STAT4: variants seen among roughly 807,000 people sequenced by gnomAD.
The protein encoded by STAT4 is signal transducer and activator of transcription 4.
In STAT4, 42 loss-of-function variants were observed where a neutral mutation model predicts 110.5. The ratio of observed to expected loss-of-function variants is 0.38; its 90% CI spans 0.30 to 0.49. The LOEUF (loss-of-function observed/expected upper bound fraction) is 0.49. STAT4 is among the 20% of genes least tolerant of loss of function. STAT4 has a pLI of 0.95. For synonymous variants in STAT4, 284 were observed against 302.2 expected (o/e 0.94, Z 0.63); for missense variants, 632 against 887.9 (o/e 0.71, Z 3.66).
In STAT4 at chr2:191,037,999, T is replaced by G. The variant is rs777289471; in HGVS notation, c.1434+1200A>C. ...GCTCTAGATTCTCATCCTAGAGCCATGTAAATTTGGGATGATGGGTGTGAC... is the reference window on the plus strand; with the variant it reads ...GCTCTAGATTCTCATCCTAGAGCCAGGTAAATTTGGGATGATGGGTGTGAC... On this transcript the variant is annotated intron_variant, in intron 16 of 23. Coordinates refer to ENST00000392320, the MANE Select transcript of STAT4 (RefSeq NM_003151.4). This position sits in a 1 kb window ranked among gnomAD's most constrained non-coding sequence, Gnocchi z 4.8. 6.6e-6 allele frequency among the ~76,000 whole-genome samples: 1 copy of G among 152,196 alleles called. No homozygotes were observed. The highest frequency in any genetic ancestry group is 1.5e-5 in the Non-Finnish European group (1 of 68,022).
chr2:191,100,703 T>C (rs917661696), intron 3 of STAT4, among the ~76,000 whole-genome samples: 13 of 152,154 alleles, frequency 8.5e-5, no homozygotes, highest in Non-Finnish European at 1.9e-4. Context: ...ATCAACCTCT[T>C]TCTCCTATCA....
chr2:191,102,632 T>A lies in STAT4; in HGVS notation c.274-26307A>T, dbSNP rs541358990. The stretch of plus-strand genomic sequence containing the variant: ...CACTTGCACCAATCACAATTCACAA[T>A]GAATGCATGAAACTGCCATTGAAAC... On this transcript the variant is annotated intron_variant, in intron 3 of 23. Transcript: ENST00000392320. Among the ~76,000 whole-genome samples the A allele has an allele frequency of 3.3e-5, 5 of 152,258 alleles. No homozygotes were observed. In the South Asian group the frequency reaches 1.0e-3, roughly 32 times the overall value.
chr2:191,102,909 A>G (rs1454810149), intron 3 of STAT4, among the ~76,000 whole-genome samples: 1 of 152,096 alleles, frequency 6.6e-6, no homozygotes, highest in East Asian at 1.9e-4. Flanking sequence ...ATATCACTAC[A>G]TGATGTGCTT....
chr2:191,107,736 T>C lies in STAT4; in HGVS notation c.274-31411A>G, dbSNP rs1698319025. Among the ~76,000 whole-genome samples, 1 of 152,228 alleles carries C rather than the reference T, an allele frequency of 6.6e-6. No individual in the cohort carries two copies. Among genetic ancestry groups the C allele is most frequent in the Non-Finnish European group, 1.5e-5 (1 of 68,040 alleles). On this transcript the variant is annotated intron_variant, in intron 3 of 23. Transcript: ENST00000392320. This position sits in a 1 kb window ranked among gnomAD's most constrained non-coding sequence, Gnocchi z 4.2. Reference sequence around the variant, plus strand: ...TGAAAACATTCAGGACATAATTTATTTTTTCAACCCAGATTACTACCATAC... The same window carrying C: ...TGAAAACATTCAGGACATAATTTATCTTTTCAACCCAGATTACTACCATAC...
chr2:191,097,970 C>A (rs1359007357), intron 3 of STAT4, among the ~76,000 whole-genome samples: 2 of 151,998 alleles, frequency 1.3e-5, no homozygotes, highest in Non-Finnish European at 2.9e-5. Flanking sequence ...ACAGACACTT[C>A]TCAAAAGAAG....
In STAT4 at chr2:191,054,526, C is replaced by T. The variant is rs1349272184; in HGVS notation, c.1215G>A (p.Lys405=). 1 of 1,612,162 alleles carries T rather than the reference C, an allele frequency of 6.2e-7. No individual in the cohort carries two copies. The change falls in exon 14 of 24, where the codon AAG becomes AAA. Residue 405 remains lysine (K), a synonymous_variant. Transcript: ENST00000392320. ...LSVEFRHLQP[K]EMKSSAGGKG... ...TACCTCCAGCACTGGACTTCATTTC[C>T]TTTGGTTGCTTTGTAAAAGAAAACA...
At position 191,140,170 on chromosome 2, in the gene STAT4, C is replaced by G. The variant is rs534332565; in HGVS notation, c.273+6443G>C. 4.7e-4 allele frequency among the ~76,000 whole-genome samples: 72 copies of G among 152,316 alleles called. No individual in the cohort carries two copies. The highest frequency in any genetic ancestry group is 7.2e-4 in the Non-Finnish European group (49 of 68,032). On this transcript the variant is annotated intron_variant, in intron 3 of 23. Coordinates refer to ENST00000392320, the MANE Select transcript of STAT4 (RefSeq NM_003151.4). The surrounding 1 kb of genome is among the most constrained non-coding windows in gnomAD (Gnocchi z 4.4). The stretch of plus-strand genomic sequence containing the variant: ...AGAACATAACATTGGAAAAATACTT[C>G]TAGGCATTGGCTTAGGCAAAGAATT...
At chr2:191,038,837 A>G (rs752182576) in intron 16 of STAT4, among the ~76,000 whole-genome samples, 3 of 152,214 alleles carry the variant, frequency 2.0e-5, no homozygotes, top group Non-Finnish European at 4.4e-5. Flanking sequence ...TGTAGAAGAG[A>G]CTGCATGGAC....
rs754362186 is a variant in STAT4 at position 191,062,726 on chromosome 2, C to G, written c.941+36G>C. ...CCTTAGGAAGGGTGTTCTTACTTCACAGAATGGAGGATGCCATTGATAGCA... is the reference window on the plus strand; with the variant it reads ...CCTTAGGAAGGGTGTTCTTACTTCAGAGAATGGAGGATGCCATTGATAGCA... On this transcript the variant is annotated intron_variant, in intron 9 of 23. Coordinates refer to ENST00000392320, the MANE Select transcript of STAT4 (RefSeq NM_003151.4). This position sits in a 1 kb window ranked among gnomAD's most constrained non-coding sequence, Gnocchi z 4.9. 2 of 1,610,968 alleles carry G rather than the reference C, an allele frequency of 1.2e-6. No individual in the cohort carries two copies. The highest frequency in any genetic ancestry group is 1.7e-6 in the Non-Finnish European group (2 of 1,178,356).
rs765625619 is a variant in STAT4, at chr2:191,036,299, T to G, written c.1435A>C (p.Asn479His). The G allele has an allele frequency of 6.2e-7, 1 of 1,614,010 alleles. No homozygotes were observed. The highest frequency in any genetic ancestry group is 8.5e-7 in the Non-Finnish European group (1 of 1,179,992). ...WYNVSTNDSQ[N>H]LVFFNNPPPA... ...GGAGGATTATTAAAGAAAACCAAGT[T>G]CTGAAATAGAGTCAAGATGATAATT... The change falls in exon 17 of 24, where the codon AAC (asparagine) becomes CAC (histidine). Residue 479 changes from asparagine (N) to histidine (H), a missense_variant and splice_region_variant. Physicochemically the swap from Asn to His is moderately conservative, Grantham distance 68. Transcript: ENST00000392320.
Position 191,073,164 on chromosome 2 carries a change from A to C in STAT4, c.399T>G (p.Ser133Arg). The C allele has an allele frequency of 6.2e-7, 1 of 1,613,958 alleles. No homozygotes were observed. Among genetic ancestry groups the C allele is most frequent in the South Asian group, 1.1e-5 (1 of 91,072 alleles). ...VQGPLEKSLQ[S>R]SSVSERQRNV... The stretch of plus-strand genomic sequence containing the variant: ...TCCTCTGTCTTTCTGAAACTGAAGA[A>C]CTTTGTAAGGATTTCTCTAGAGGCC... The change falls in exon 5 of 24, where the codon AGT becomes AGG. Residue 133 changes from serine to arginine, a missense_variant. Around this residue, in one of 4 missense-constraint regions of STAT4, gnomAD observed 488 missense variants for 632.8 expected, o/e 0.77. Transcript: ENST00000392320.
At chr2:191,040,979 TAGAAA>T in intron 15 of STAT4, 81 bp downstream of exon 15, 2 of 857,644 alleles carry the variant, frequency 2.3e-6, no homozygotes, top group Non-Finnish European at 1.6e-6. Flanking sequence ...TACTAAAACC[TAGAAA>T]AGACTGAGCT....
chr2:191,069,667 T>C lies in STAT4; in HGVS notation c.544+26A>G, dbSNP rs564859107. 1.3e-5 allele frequency: 21 copies of C among 1,579,352 alleles called. No individual in the cohort carries two copies. The South Asian group carries it at 2.0e-4, about 15-fold the overall frequency. On this transcript the variant is annotated intron_variant, in intron 6 of 23. Coordinates refer to ENST00000392320, the MANE Select transcript of STAT4 (RefSeq NM_003151.4). ...CAAGATGCCTTTTTGTCTCTATGCA[T>C]AATTATAGAAAAAACAAAAACTTAC...
chr2:191,140,318 G>A lies in STAT4; in HGVS notation c.273+6295C>T, dbSNP rs539509911. On this transcript the variant is annotated intron_variant, in intron 3 of 23. Coordinates refer to ENST00000392320, the MANE Select transcript of STAT4 (RefSeq NM_003151.4). This position sits in a 1 kb window ranked among gnomAD's most constrained non-coding sequence, Gnocchi z 4.4. Reference sequence around the variant, plus strand: ...GCCAAGTAAACAGACAACCCACAGCGTGGGAGAAAATATTTGCAAGCTATG... The same window carrying A: ...GCCAAGTAAACAGACAACCCACAGCATGGGAGAAAATATTTGCAAGCTATG... Among the ~76,000 whole-genome samples, 18 of 152,264 alleles carry A rather than the reference G, an allele frequency of 1.2e-4. No individual in the cohort carries two copies. The highest frequency in any genetic ancestry group is 7.2e-4 in the Admixed American group (11 of 15,294).
intron 5 of STAT4, among the ~76,000 whole-genome samples, chr2:191,072,350 C>G (rs762047688): frequency 9.2e-5 from 14 of 152,008 alleles, no homozygotes; most frequent in Non-Finnish European, 1.8e-4. Flanking sequence ...TTATAATGTG[C>G]CAAGGTATTT....
chr2:191,064,866 C>T lies in STAT4; in HGVS notation c.723G>A (p.Arg241=). 6.2e-7 allele frequency: 1 copy of T among 1,613,390 alleles called. No individual in the cohort carries two copies. Among genetic ancestry groups the T allele is most frequent in the Non-Finnish European group, 8.5e-7 (1 of 1,179,656 alleles). ...LIEELQDWKR[R]QQIACIGGPL... is the part of the protein sequence containing the mutation. ...GACCCCCGATGCAGGCGATTTGCTG[C>T]CGCCGCTTCCAGTCTTGCAGCTCTT... The change falls in exon 8 of 24, where the codon CGG becomes CGA. Residue 241 remains arginine, a synonymous_variant. Coordinates refer to ENST00000392320, the MANE Select transcript of STAT4 (RefSeq NM_003151.4).
intron 3 of STAT4, among the ~76,000 whole-genome samples, chr2:191,126,289 A>C (rs954078487): frequency 6.6e-6 from 1 of 152,226 alleles, no homozygotes; most frequent in African/African-American, 2.4e-5. Context: ...TCTCTTTGAA[A>C]GTTTCCAAAT....
intron 8 of STAT4, among the ~76,000 whole-genome samples, chr2:191,063,851 C>T (rs945536238): frequency 6.6e-6 from 1 of 152,180 alleles, no homozygotes; most frequent in Non-Finnish European, 1.5e-5. Context: ...CATTTCTTGA[C>T]AAGTAGGCCT....
At chr2:191,111,574 C>T (rs887644706) in intron 3 of STAT4, among the ~76,000 whole-genome samples, 1 of 151,996 alleles carries the variant, frequency 6.6e-6, no homozygotes, top group African/African-American at 2.4e-5. Context: ...TGCATGGGGC[C>T]GAGTGTGATG....
Sources: gnomAD v4.1 joint callset for allele counts (sites outside exome capture counted in the v4.1 genomes callset) on GRCh38, gnomAD v4.1.1 for gene constraint, gnomAD v4.1.1 regional missense constraint, Gnocchi (gnomAD v3.1) non-coding constraint, MANE v1.5 for transcripts, NCBI Gene and HGNC (gene_info 2026-07-23, HGNC 2026-07-21) for gene names.